CELSR2: variants seen among roughly 807,000 people sequenced by gnomAD.
CELSR2 encodes the protein cadherin EGF LAG seven-pass G-type receptor 2.
In CELSR2, 81 loss-of-function variants were observed where a neutral mutation model predicts 251.6. That is an observed-to-expected ratio of 0.32 (90% CI 0.27 to 0.39). The LOEUF (loss-of-function observed/expected upper bound fraction) is 0.39, where lower values mean the gene tolerates loss of function less well. Among genes scored for constraint, CELSR2 ranks in the 10% least tolerant of loss-of-function variants. CELSR2 has a pLI of 1.00. For missense variants in CELSR2, 3,365 were observed against 3,947.7 expected (o/e 0.85, Z 3.96); for synonymous variants, 1,721 against 1,670.5 (o/e 1.03, Z -0.74).
chr1:109,264,033 A>AT (rs1656112455), intron 9 of CELSR2, 45 bp from the exon 10 acceptor site: 1 of 1,537,512 alleles, frequency 6.5e-7, no homozygotes. Context: ...GAGAACAGTG[A>AT]TTAAGGCCGT....
intron 32 of CELSR2, 40 bp from the exon 33 acceptor site, chr1:109,273,396 C>G (rs770620411): frequency 2.2e-5 from 35 of 1,607,528 alleles, no homozygotes; most frequent in Non-Finnish European, 2.9e-5. Context: ...ACCTCACATT[C>G]TCCTGTGGCC....
At chr1:109,268,525 G>T in intron 17 of CELSR2, 56 bp from the exon 18 acceptor site, 3 of 1,542,150 alleles carry the variant, frequency 1.9e-6, no homozygotes, top group Non-Finnish European at 2.6e-6. Context: ...GGGCTCCATG[G>T]TGGGGATGTC....
rs759353620 is a variant in CELSR2 at position 109,269,869 on chromosome 1, A to T, written c.7107+49A>T. On this transcript the variant is annotated intron_variant, in intron 22 of 33. Coordinates refer to ENST00000271332, the MANE Select transcript of CELSR2 (RefSeq NM_001408.3). This position sits in a 1 kb window ranked among gnomAD's most constrained non-coding sequence, Gnocchi z 6.4. ...AGAGCCGTGGGTGGGCACCCAGGGC[A>T]CGGGGCTGGGTGCTCAGGTCCTGCC... is the stretch of plus-strand genomic sequence containing the variant. 6.2e-7 allele frequency: 1 copy of T among 1,613,300 alleles called. No homozygotes were observed. The highest frequency in any genetic ancestry group is 8.5e-7 in the Non-Finnish European group (1 of 1,179,568).
Position 109,250,174 on chromosome 1 carries a change from AC to A in CELSR2, c.97del (p.Gln33LysfsTer47). On this transcript the variant is annotated frameshift_variant, in exon 1 of 34. Transcript: ENST00000271332. LOFTEE classifies it high-confidence loss of function. The surrounding 1 kb of genome is among the most constrained non-coding windows in gnomAD (Gnocchi z 4.4). ...LLLLPPPLLG[D>X]QVGPCRSLGS... is the part of the protein sequence containing the mutation. ...CTGCTGCCGCCGCCACTATTGGGAG[AC>A]CAAGTGGGGCCCTGTCGTTCCTTGG... The A allele has an allele frequency of 6.2e-7, 1 of 1,601,090 alleles. No individual in the cohort carries two copies. The highest frequency in any genetic ancestry group is 8.5e-7 in the Non-Finnish European group (1 of 1,175,822).
intron 15 of CELSR2, among the ~76,000 whole-genome samples, chr1:109,267,342 C>A (rs1348603378): frequency 6.6e-6 from 1 of 152,118 alleles, no homozygotes; most frequent in Non-Finnish European, 1.5e-5. Context: ...TGCCCTGTTC[C>A]CCTAGAGCCC....
In CELSR2 at chr1:109,252,673, T is replaced by G. The variant is rs143186589; in HGVS notation, c.2594T>G (p.Ile865Ser). ...QGGDDGDGDF[I>S]VESTSGIVRT... ...GGCGACGATGGAGACGGTGACTTTA[T>G]TGTTGAGTCCACGTCAGGCATCGTG... The change falls in exon 1 of 34, where the codon ATT (isoleucine) becomes AGT (serine). Residue 865 changes from isoleucine (I) to serine (S), a missense_variant. Ile to Ser is a moderately radical substitution (Grantham distance 142, BLOSUM62 -2). Transcript: ENST00000271332. The surrounding 1 kb of genome is among the most constrained non-coding windows in gnomAD (Gnocchi z 4.8). The G allele has an allele frequency of 1.9e-6, 3 of 1,613,934 alleles. No individual in the cohort carries two copies. Among genetic ancestry groups the G allele is most frequent in the Non-Finnish European group, 2.5e-6 (3 of 1,180,022 alleles).
intron 32 of CELSR2, 31 bp from the exon 33 acceptor site, chr1:109,273,405 C>G: frequency 6.2e-7 from 1 of 1,607,360 alleles, no homozygotes; most frequent in Non-Finnish European, 8.5e-7. Context: ...TCTCCTGTGG[C>G]CGCACCTCAC....
In CELSR2 at chr1:109,249,990, G is replaced by A; in HGVS notation, c.-90G>A. 8.5e-7 allele frequency: 1 copy of A among 1,177,120 alleles called. No homozygotes were observed. Among genetic ancestry groups the A allele is most frequent in the Non-Finnish European group, 1.1e-6 (1 of 948,224 alleles). The allele number at this position is 1,177,120 out of a possible 1,614,324, so 72.9% of individuals were successfully genotyped here. A position where few individuals can be genotyped will look rare whatever the true frequency, so the allele number is the denominator to read the frequency against. ...GAGGCCCCCGGGGACTGGCGCCCTG[G>A]CCCGGGCATGAGGCGCGGCGGGGCC... is the stretch of plus-strand genomic sequence containing the variant. On this transcript the variant is annotated 5_prime_UTR_variant, in exon 1 of 34. Transcript: ENST00000271332.
rs761628669 is a variant in CELSR2, at chr1:109,267,857, C to A, written c.6115C>A (p.Arg2039=). 1.9e-6 allele frequency: 3 copies of A among 1,600,982 alleles called. No homozygotes were observed. The highest frequency in any genetic ancestry group is 2.2e-5 in the South Asian group (2 of 90,942). ...TFSELKGFAE[R]LQRNESGLDS... Reference sequence around the variant, plus strand: ...TCCGCTCCGTCCTGTCTAGGCTGAGCGGCTACAGCGGAATGAGTCAGGCCT... The same window carrying A: ...TCCGCTCCGTCCTGTCTAGGCTGAGAGGCTACAGCGGAATGAGTCAGGCCT... Residue 2039 remains arginine, a synonymous_variant, in exon 17 of 34, where the codon CGG becomes AGG. Transcript: ENST00000271332.
intron 6 of CELSR2, 112 bp from the exon 7 acceptor site, chr1:109,262,694 G>A (rs1656052103): frequency 1.3e-6 from 2 of 1,522,640 alleles, no homozygotes; most frequent in South Asian, 2.5e-5. Flanking sequence ...GCTCTGCAGG[G>A]CCTCTTGGAC....
At position 109,273,697 on chromosome 1, in the gene CELSR2, G is replaced by T. The variant is rs1036159512; in HGVS notation, c.8744+27G>T. 5 of 1,387,828 alleles carry T rather than the reference G, an allele frequency of 3.6e-6. No individual in the cohort carries two copies. In the Admixed American group the frequency reaches 8.3e-5, roughly 23 times the overall value. The allele number at this position is 1,387,828 out of a possible 1,614,324, so 86.0% of individuals were successfully genotyped here. ...TGAGTGTGGCCGGGTGGGCGGGACG[G>T]GGTGCAGCCCCTCGGAGGCCTCACC... is the stretch of plus-strand genomic sequence containing the variant. On this transcript the variant is annotated intron_variant, in intron 33 of 33. Transcript: ENST00000271332.
chr1:109,259,608 C>T (rs1212069067), intron 2 of CELSR2, among the ~76,000 whole-genome samples: 3 of 152,170 alleles, frequency 2.0e-5, no homozygotes. Context: ...AACCTGGTCT[C>T]TCCCCCACTG....
At position 109,269,271 on chromosome 1, in the gene CELSR2, C is replaced by G. The variant is rs760575604; in HGVS notation, c.6793C>G (p.Pro2265Ala). ...LAGLLPHNYD[P>A]DKRSLRVPKR... ...CGGGCTACTGCCTCATAACTATGACCCTGACAAGCGCAGCTTGAGGTCAGC... is the reference window on the plus strand; with the variant it reads ...CGGGCTACTGCCTCATAACTATGACGCTGACAAGCGCAGCTTGAGGTCAGC... The change falls in exon 20 of 34, where the codon CCT becomes GCT. Residue 2265 changes from proline to alanine, a missense_variant. Around this residue, in one of 5 missense-constraint regions of CELSR2, gnomAD observed 2,093 missense variants for 2,382.8 expected, o/e 0.88. Coordinates refer to ENST00000271332, the MANE Select transcript of CELSR2 (RefSeq NM_001408.3). This position sits in a 1 kb window ranked among gnomAD's most constrained non-coding sequence, Gnocchi z 6.4. 7.4e-6 allele frequency: 12 copies of G among 1,613,204 alleles called. No homozygotes were observed. The highest frequency in any genetic ancestry group is 1.0e-5 in the Non-Finnish European group (12 of 1,179,980).
rs914254979 is a variant in CELSR2 at position 109,249,670 on chromosome 1, C to T, written c.-410C>T. Among the ~76,000 whole-genome samples, 2 of 146,896 alleles carry T rather than the reference C, an allele frequency of 1.4e-5. No individual in the cohort carries two copies. The highest frequency in any genetic ancestry group is 6.8e-5 in the Admixed American group (1 of 14,796). On this transcript the variant is annotated 5_prime_UTR_variant, in exon 1 of 34. Coordinates refer to ENST00000271332, the MANE Select transcript of CELSR2 (RefSeq NM_001408.3). ...GCGGGACCGTCGGGGGCCGCCGGGG[C>T]CGGGCCGGGGTCGGGGCGCACGGCT...
chr1:109,265,376 A>G, intron 13 of CELSR2, 65 bp downstream of exon 13: 1 of 1,513,866 alleles, frequency 6.6e-7, no homozygotes, highest in South Asian at 1.3e-5. Context: ...CCTGGGCCCT[A>G]GAGGGCAGGC....
In CELSR2 at chr1:109,269,140, C is replaced by T. The variant is rs1656291415; in HGVS notation, c.6662C>T (p.Pro2221Leu). The T allele has an allele frequency of 1.2e-6, 2 of 1,609,102 alleles. No individual in the cohort carries two copies. Among genetic ancestry groups the T allele is most frequent in the South Asian group, 2.2e-5 (2 of 90,772 alleles). ...CCCCCCGTGGTCAGGCCCGCAGGCC[C>T]CGGAGAGGCCCAGGAGCCAGAGGAG... Reference protein sequence around the residue: ...ETPPVVRPAGPGEAQEPEELA... With the variant: ...ETPPVVRPAGLGEAQEPEELA... Residue 2221 changes from proline to leucine, a missense_variant, in exon 20 of 34, where the codon CCC (proline) becomes CTC (leucine). Physicochemically the swap from Pro to Leu is moderately conservative, Grantham distance 98. Coordinates refer to ENST00000271332, the MANE Select transcript of CELSR2 (RefSeq NM_001408.3). This position sits in a 1 kb window ranked among gnomAD's most constrained non-coding sequence, Gnocchi z 6.4.
chr1:109,273,949 C>G, intron 33 of CELSR2, 73 bp from the exon 34 acceptor site: 175 of 1,547,466 alleles, frequency 1.1e-4, no homozygotes, highest in Non-Finnish European at 1.4e-4. Context: ...CTGGTGAAAG[C>G]TTTCACTCTC....
At chr1:109,265,703 G>A in intron 13 of CELSR2, 32 bp from the exon 14 acceptor site, 1 of 1,591,914 alleles carries the variant, frequency 6.3e-7, no homozygotes, top group Non-Finnish European at 8.6e-7. Context: ...AGAGAGCCTG[G>A]CCAGTGACAC....
At chr1:109,255,188 C>T (rs1054523090) in intron 1 of CELSR2, among the ~76,000 whole-genome samples, 7 of 152,204 alleles carry the variant, frequency 4.6e-5, no homozygotes, top group African/African-American at 1.2e-4. Context: ...TCAGGGAGGC[C>T]GGGGTGAGGG....
Sources: allele counts gnomAD v4.1 joint callset (sites outside exome capture counted in the v4.1 genomes callset), GRCh38; gene constraint gnomAD v4.1.1; regional missense constraint gnomAD v4.1.1; non-coding constraint Gnocchi (gnomAD v3.1); transcripts MANE v1.5; gene names NCBI Gene and HGNC (gene_info 2026-07-23, HGNC 2026-07-21).